The following CPS1 variants were observed in gnomAD, a reference collection of about 807,000 sequenced individuals.
The protein encoded by CPS1 is carbamoyl-phosphate synthase 1.
Under a neutral mutation model 174.6 loss-of-function variants are expected in CPS1, and 109 were observed. That is an observed-to-expected ratio of 0.62 (90% CI 0.53 to 0.73). The LOEUF (loss-of-function observed/expected upper bound fraction) is 0.73, where lower values mean the gene tolerates loss of function less well. CPS1 is among the 30% of genes least tolerant of loss of function. The probability of loss-of-function intolerance (pLI) is 0.00; values close to 1 mark genes in which losing one functional copy is unlikely to be tolerated. For synonymous variants in CPS1, 637 were observed against 632.0 expected (o/e 1.01, Z -0.12); for missense variants, 1,689 against 1,821.9 (o/e 0.93, Z 1.33).
chr2:210,556,352 C>A, upstream of CPS1: 2 of 464,036 alleles, frequency 4.3e-6, no homozygotes, highest in Non-Finnish European at 8.6e-6. Context: ...TGGAAAGTTG[C>A]TACTCTTTAG....
In CPS1 at chr2:210,640,055, C is replaced by G; in HGVS notation, c.2955C>G (p.His985Gln). 1.9e-6 allele frequency: 3 copies of G among 1,594,128 alleles called. No homozygotes were observed. The Middle Eastern group carries it at 5.0e-4, about 266-fold the overall frequency. Residue 985 changes from histidine (H) to glutamine (Q), a missense_variant, in exon 24 of 38, where the codon CAC becomes CAG. Coordinates refer to ENST00000233072, the MANE Select transcript of CPS1 (RefSeq NM_001875.5). ...TGGTGCTAGGCTGTGGTCCATATCA[C>G]ATTGGTAAAATAATAAATTATGTGT... Reference protein sequence around the residue: ...GMMVLGCGPYHIGSSVEFDWC... With the variant: ...GMMVLGCGPYQIGSSVEFDWC...
intron 21 of CPS1, chr2:210,618,007 T>G (rs964929442): frequency 5.3e-5 from 8 of 152,000 alleles, no homozygotes; most frequent in Non-Finnish European, 1.2e-4. Flanking sequence ...TTATTGTGAT[T>G]TAAATTTCCA....
intron 1 of CPS1, among the ~76,000 whole-genome samples, chr2:210,511,127 A>G (rs933386993): frequency 6.6e-6 from 1 of 152,192 alleles, no homozygotes; most frequent in Non-Finnish European, 1.5e-5. Context: ...ACTTGGAACC[A>G]ACCCAAATGT....
intron 21 of CPS1, among the ~76,000 whole-genome samples, chr2:210,625,186 CA>C (rs1699661057): frequency 6.6e-6 from 1 of 151,852 alleles, no homozygotes; most frequent in South Asian, 2.1e-4. Context: ...GTTATTAGAC[CA>C]AATGGTATTT....
At chr2:210,634,931 A>G (rs1159721419) in intron 21 of CPS1, among the ~76,000 whole-genome samples, 2 of 152,106 alleles carry the variant, frequency 1.3e-5, no homozygotes, top group Non-Finnish European at 2.9e-5. Flanking sequence ...CAACTCCTTT[A>G]TCTACATAAA....
chr2:210,637,647 C>T (rs1275391381), intron 21 of CPS1, 55 bp from the exon 22 acceptor site: 14 of 1,591,472 alleles, frequency 8.8e-6, no homozygotes, highest in Middle Eastern at 3.8e-4. Context: ...AACTTGTCAC[C>T]GCTTTTTATT....
intron 5 of CPS1, among the ~76,000 whole-genome samples, chr2:210,580,473 C>T (rs1006379816): frequency 6.6e-6 from 1 of 151,966 alleles, no homozygotes; most frequent in Non-Finnish European, 1.5e-5. Flanking sequence ...AGAAACATTA[C>T]GTCACTAACG....
chr2:210,658,970 G>A (rs1203740795), intron 31 of CPS1, among the ~76,000 whole-genome samples: 5 of 152,076 alleles, frequency 3.3e-5, no homozygotes, highest in African/African-American at 4.8e-5. Flanking sequence ...AGATGGATAC[G>A]GTGAGACAGA....
chr2:210,601,057 A>G (rs1698707857), intron 15 of CPS1, among the ~76,000 whole-genome samples: 1 of 151,882 alleles, frequency 6.6e-6, no homozygotes. Flanking sequence ...TCAATCACAT[A>G]TTTTGCATGT....
At chr2:210,618,377 C>T (rs1699387740) in intron 21 of CPS1, 1 of 152,076 alleles carries the variant, frequency 6.6e-6, no homozygotes, top group Admixed American at 6.6e-5. Context: ...AAAATCATCT[C>T]TACTGTATAA....
Position 210,565,439 on chromosome 2 carries a change from T to C in CPS1, c.127-7859T>C, listed in dbSNP as rs188097490. On this transcript the variant is annotated intron_variant, in intron 1 of 37. Coordinates refer to ENST00000233072, the MANE Select transcript of CPS1 (RefSeq NM_001875.5). ...GTGGAAAGTAACCTTAAGGCATTTT[T>C]CTTGATATCCATATTAGCTACAATC... Among the ~76,000 whole-genome samples, 809 of 152,316 alleles carry C rather than the reference T, an allele frequency of 5.3e-3. 9 individuals carry two copies. Among genetic ancestry groups the C allele is most frequent in the African/African-American group, 0.017 (723 of 41,572 alleles).
At chr2:210,490,437 A>G (rs954373325) in intron 1 of CPS1, among the ~76,000 whole-genome samples, 7 of 152,210 alleles carry the variant, frequency 4.6e-5, no homozygotes, top group African/African-American at 1.4e-4. Flanking sequence ...TAATAAATCC[A>G]TAAGTATGTA....
chr2:210,538,264 TA>T (rs1268063339), intron 1 of CPS1, among the ~76,000 whole-genome samples: 1 of 152,144 alleles, frequency 6.6e-6, no homozygotes, highest in Non-Finnish European at 1.5e-5. Context: ...TATTTCCTAT[TA>T]TAATAAAGTC....
chr2:210,479,384 A>G (rs1475755726), intron 1 of CPS1, among the ~76,000 whole-genome samples: 1 of 144,548 alleles, frequency 6.9e-6, no homozygotes, highest in Non-Finnish European at 1.5e-5. Context: ...GCTGGAGTGC[A>G]GTGGCACGAT....
rs530566085 is a variant in CPS1, at chr2:210,640,073, T to A, written c.2959+14T>A. 2.0e-6 allele frequency: 3 copies of A among 1,520,554 alleles called. No individual in the cohort carries two copies. The highest frequency in any genetic ancestry group is 2.7e-5 in the African/African-American group (2 of 73,094). The allele number at this position is 1,520,554 out of a possible 1,614,324, so 94.2% of individuals were successfully genotyped here. ...CATATCACATTGGTAAAATAATAAA[T>A]TATGTGTATATAGGACTTTACACAA... On this transcript the variant is annotated intron_variant, in intron 24 of 37. Coordinates refer to ENST00000233072, the MANE Select transcript of CPS1 (RefSeq NM_001875.5).
chr2:210,522,788 C>A (rs1025850201), intron 1 of CPS1, among the ~76,000 whole-genome samples: 2 of 151,938 alleles, frequency 1.3e-5, no homozygotes, highest in East Asian at 3.9e-4. Context: ...AGAGCACCCT[C>A]TAATTAAAAT....
chr2:210,551,623 T>A (rs140010960), upstream of CPS1, among the ~76,000 whole-genome samples: 1,853 of 152,072 alleles, frequency 0.012, 33 homozygotes, highest in African/African-American at 0.042. Context: ...CTTTAATATG[T>A]GAAACCAATT....
chr2:210,503,022 TG>T (rs1353287153), intron 1 of CPS1, among the ~76,000 whole-genome samples: 10 of 152,184 alleles, frequency 6.6e-5, no homozygotes, highest in South Asian at 2.1e-4. Context: ...GTTCTGTATA[TG>T]GTTCTCTTGT....
rs140193113 is a variant in CPS1 at position 210,557,048 on chromosome 2, A to T, written c.126+189A>T. ...ATTTTTATCTTATCTGAGTAACATGACAGTAATTTTTACCCAACATAAAGA... is the reference window on the plus strand; with the variant it reads ...ATTTTTATCTTATCTGAGTAACATGTCAGTAATTTTTACCCAACATAAAGA... On this transcript the variant is annotated intron_variant, in intron 1 of 37. Coordinates refer to ENST00000233072, the MANE Select transcript of CPS1 (RefSeq NM_001875.5). 2.2e-3 allele frequency among the ~76,000 whole-genome samples: 333 copies of T among 152,224 alleles called. 1 individual carries two copies. The highest frequency in any genetic ancestry group is 2.4e-3 in the Non-Finnish European group (161 of 67,998).
Sources: gnomAD v4.1 joint callset for allele counts (sites outside exome capture counted in the v4.1 genomes callset) on GRCh38, gnomAD v4.1.1 for gene constraint, MANE v1.5 for transcripts, NCBI Gene and HGNC (gene_info 2026-07-23, HGNC 2026-07-21) for gene names.